The following FBXO28 variants were observed in gnomAD, a reference collection of about 807,000 sequenced individuals.
FBXO28 encodes the protein F-box only protein 28.
Under a neutral mutation model 38.1 loss-of-function variants are expected in FBXO28, and 8 were observed. That is an observed-to-expected ratio of 0.21 (90% CI 0.12 to 0.38). The LOEUF (loss-of-function observed/expected upper bound fraction) is 0.38. Ranked by LOEUF, FBXO28 falls within the 10% of genes least tolerant of loss-of-function variation. FBXO28 has a pLI of 1.00. For synonymous variants in FBXO28, 168 were observed against 173.8 expected (o/e 0.97, Z 0.26); for missense variants, 345 against 460.6 (o/e 0.75, Z 2.30).
intron 4 of FBXO28, among the ~76,000 whole-genome samples, chr1:224,156,738 GC>G (rs1657782674): frequency 6.6e-6 from 1 of 152,152 alleles, no homozygotes; most frequent in Non-Finnish European, 1.5e-5. Flanking sequence ...AGTGGCTCAC[GC>G]CTGTAATCCC....
At chr1:224,122,713 C>T (rs1656807761) in intron 1 of FBXO28, among the ~76,000 whole-genome samples, 1 of 151,800 alleles carries the variant, frequency 6.6e-6, no homozygotes, top group African/African-American at 2.4e-5. Context: ...CTAATTTTTT[C>T]CTTGTGATTG....
chr1:224,119,137 T>TTTC (rs57535847), intron 1 of FBXO28, among the ~76,000 whole-genome samples: 1,867 of 119,262 alleles, frequency 0.016, 53 homozygotes, highest in African/African-American at 0.08. Flanking sequence ...TTTTTTTTCT[T>TTTC]TTTTTTTTTT....
intron 1 of FBXO28, among the ~76,000 whole-genome samples, chr1:224,127,162 ATT>A (rs201862991): frequency 0.013 from 1,468 of 115,440 alleles, 22 homozygotes; most frequent in African/African-American, 0.046. Context: ...GATGTAAAGT[ATT>A]TGTGTGTGTG....
At chr1:224,119,335 C>T (rs1447184636) in intron 1 of FBXO28, among the ~76,000 whole-genome samples, 1 of 151,312 alleles carries the variant, frequency 6.6e-6, no homozygotes, top group African/African-American at 2.4e-5. Flanking sequence ...GACGGGGTTT[C>T]ACCGTGTTAG....
At chr1:224,148,187 T>C (rs1000215925) in intron 3 of FBXO28, among the ~76,000 whole-genome samples, 7 of 152,238 alleles carry the variant, frequency 4.6e-5, no homozygotes, top group Non-Finnish European at 8.8e-5. Flanking sequence ...GTAAAGATAA[T>C]ATTTCACAAA....
At chr1:224,155,038 T>TA (rs1657741477) in intron 4 of FBXO28, among the ~76,000 whole-genome samples, 2 of 152,082 alleles carry the variant, frequency 1.3e-5, no homozygotes, top group Non-Finnish European at 2.9e-5. Context: ...TGTATTTTTT[T>TA]ATGTTTCTGA....
chr1:224,140,548 C>A (rs190013985), intron 3 of FBXO28, among the ~76,000 whole-genome samples: 239 of 152,168 alleles, frequency 1.6e-3, no homozygotes, highest in African/African-American at 5.7e-3. Flanking sequence ...TCTTAAAAAT[C>A]AAGATTAGTT....
chr1:224,129,462 A>AT (rs1244345917), intron 1 of FBXO28, among the ~76,000 whole-genome samples: 2 of 152,256 alleles, frequency 1.3e-5, no homozygotes, highest in East Asian at 3.8e-4. Context: ...GTTATAGATC[A>AT]TATAAACTTT....
chr1:224,145,991 G>A (rs1004892679), intron 3 of FBXO28, among the ~76,000 whole-genome samples: 1 of 151,950 alleles, frequency 6.6e-6, no homozygotes, highest in Non-Finnish European at 1.5e-5. Context: ...GCTTGTATCC[G>A]GGAGGTGGAG....
intron 1 of FBXO28, among the ~76,000 whole-genome samples, chr1:224,119,138 T>TTC (rs1553287741): frequency 8.1e-6 from 1 of 124,050 alleles, no homozygotes; most frequent in Admixed American, 7.8e-5. Flanking sequence ...TTTTTTTCTT[T>TTC]TTTTTTTTTT....
intron 4 of FBXO28, among the ~76,000 whole-genome samples, chr1:224,156,209 G>T (rs146831785): frequency 6.6e-6 from 1 of 152,210 alleles, no homozygotes; most frequent in Non-Finnish European, 1.5e-5. Flanking sequence ...TTAAAAGAAA[G>T]TAGGTTCTTT....
chr1:224,149,830 A>T (rs1183815476), intron 3 of FBXO28, among the ~76,000 whole-genome samples: 2 of 152,222 alleles, frequency 1.3e-5, no homozygotes, highest in Non-Finnish European at 2.9e-5. Flanking sequence ...GACTTCTGAG[A>T]AAGTACAGTG....
At chr1:224,129,220 A>T (rs1572010789) in intron 1 of FBXO28, among the ~76,000 whole-genome samples, 1 of 152,142 alleles carries the variant, frequency 6.6e-6, no homozygotes, top group South Asian at 2.1e-4. Flanking sequence ...CATGCCTGTA[A>T]TCCTAGCTAC....
chr1:224,127,034 A>G (rs891369293), intron 1 of FBXO28, among the ~76,000 whole-genome samples: 4 of 151,000 alleles, frequency 2.6e-5, no homozygotes, highest in East Asian at 3.9e-4. Flanking sequence ...TTTTCCCCAC[A>G]TGAAGTTCAG....
At chr1:224,145,090 T>A (rs765061397) in intron 3 of FBXO28, among the ~76,000 whole-genome samples, 1 of 151,916 alleles carries the variant, frequency 6.6e-6, no homozygotes, top group Non-Finnish European at 1.5e-5. Context: ...AAGACCAGCC[T>A]GGCCAACATG....
At chr1:224,142,327 G>A (rs1657376881) in intron 3 of FBXO28, among the ~76,000 whole-genome samples, 1 of 149,900 alleles carries the variant, frequency 6.7e-6, no homozygotes, top group South Asian at 2.1e-4. Context: ...ATTCCAGCTT[G>A]GGCGACAGAG....
At chr1:224,128,080 T>C (rs1656946823) in intron 1 of FBXO28, among the ~76,000 whole-genome samples, 1 of 152,110 alleles carries the variant, frequency 6.6e-6, no homozygotes, top group Admixed American at 6.6e-5. Flanking sequence ...GCCAGGATTT[T>C]TGTCAGGCCT....
In FBXO28 at chr1:224,149,263, A is replaced by G. The variant is rs533783547; in HGVS notation, c.517-3879A>G. Among the ~76,000 whole-genome samples the G allele has an allele frequency of 1.0e-3, 138 of 137,584 alleles. 2 individuals carry two copies. Among genetic ancestry groups the G allele is most frequent in the African/African-American group, 3.4e-3 (127 of 37,150 alleles). 90.3% of individuals were successfully genotyped at this position (137,584 alleles called of 152,430 possible). ...AAACATAATCATCTGACTTCTGAAA[A>G]ACCATATAATCTTTTTTTTTTTTTT... On this transcript the variant is annotated intron_variant, in intron 3 of 4. Coordinates refer to ENST00000366862, the MANE Select transcript of FBXO28 (RefSeq NM_015176.4).
Position 224,114,345 on chromosome 1 carries a change from C to A in FBXO28, c.216C>A (p.Ile72=), listed in dbSNP as rs73124414. Residue 72 remains isoleucine (I), a synonymous_variant, in exon 1 of 5, where the codon ATC becomes ATA. Coordinates refer to ENST00000366862, the MANE Select transcript of FBXO28 (RefSeq NM_015176.4). Reference sequence around the variant, plus strand: ...TTGTGGCGCTGCCCATCGTAGCCATCGAGAACATCCTCAGCTTTATGTCCT... The same window carrying A: ...TTGTGGCGCTGCCCATCGTAGCCATAGAGAACATCCTCAGCTTTATGTCCT... The part of the protein sequence containing the change: ...NTLVALPIVA[I]ENILSFMSYD... The A allele has an allele frequency of 1.4e-4, 226 of 1,597,674 alleles. No homozygotes were observed. Among genetic ancestry groups the A allele is most frequent in the Non-Finnish European group, 1.9e-4 (220 of 1,172,260 alleles).
Sources: gnomAD v4.1 joint callset for allele counts (sites outside exome capture counted in the v4.1 genomes callset) on GRCh38, gnomAD v4.1.1 for gene constraint, MANE v1.5 for transcripts, NCBI Gene and HGNC (gene_info 2026-07-23, HGNC 2026-07-21) for gene names.